Variants in MPRIP observed in about 807,000 individuals in gnomAD.
MPRIP encodes the protein myosin phosphatase Rho-interacting protein.
In MPRIP, 59 loss-of-function variants were observed where a neutral mutation model predicts 234.9. The ratio of observed to expected loss-of-function variants is 0.25; its 90% CI spans 0.20 to 0.31. The LOEUF (loss-of-function observed/expected upper bound fraction) is 0.31, where lower values mean the gene tolerates loss of function less well. Among genes scored for constraint, MPRIP ranks in the 10% least tolerant of loss-of-function variants. MPRIP has a pLI of 1.00. For missense variants in MPRIP, 2,436 were observed against 3,071.0 expected (o/e 0.79, Z 4.89); for synonymous variants, 1,144 against 1,263.9 (o/e 0.91, Z 2.01).
At chr17:17,115,739 A>G (rs2090273006) in intron 3 of MPRIP, among the ~76,000 whole-genome samples, 1 of 152,048 alleles carries the variant, frequency 6.6e-6, no homozygotes, top group Admixed American at 6.5e-5. Context: ...GCTTGATGTA[A>G]ATGGAGTCAT....
At chr17:17,111,080 A>G (rs865843874) in intron 3 of MPRIP, among the ~76,000 whole-genome samples, 2 of 151,752 alleles carry the variant, frequency 1.3e-5, no homozygotes, top group Non-Finnish European at 2.9e-5. Context: ...AACTCTTCAC[A>G]CACTCTTGTC....
At chr17:17,052,359 T>C (rs1486336683) in intron 1 of MPRIP, among the ~76,000 whole-genome samples, 3 of 152,222 alleles carry the variant, frequency 2.0e-5, no homozygotes, top group Admixed American at 1.3e-4. Context: ...CACAGCTGTT[T>C]CCTGGACTTC....
intron 3 of MPRIP, among the ~76,000 whole-genome samples, chr17:17,116,363 A>T (rs1464524817): frequency 6.6e-6 from 1 of 152,226 alleles, no homozygotes; most frequent in African/African-American, 2.4e-5. Flanking sequence ...TGCAGCGGGT[A>T]ACCGTGGGTC....
chr17:17,184,788 T>C, intron 23 of MPRIP, 35 bp from the exon 24 acceptor site: 1 of 1,544,638 alleles, frequency 6.5e-7, no homozygotes, highest in Non-Finnish European at 8.9e-7. Context: ...TCTAACGGTG[T>C]GTTTATTTTC....
At chr17:17,147,228 C>T (rs3744135) in intron 10 of MPRIP, 91 bp from the exon 11 acceptor site, 37,001 of 1,248,150 alleles carry the variant, frequency 0.03, 958 homozygotes, top group East Asian at 0.13. Context: ...CTGGGAGGGC[C>T]CCACAGGCTC....
At chr17:17,104,143 C>G (rs1000362723) in intron 3 of MPRIP, among the ~76,000 whole-genome samples, 3 of 152,254 alleles carry the variant, frequency 2.0e-5, no homozygotes, top group African/African-American at 7.2e-5. Context: ...CTTGTGACAG[C>G]CTTTAGGGAA....
At chr17:17,151,432 G>A (rs1046546585) in intron 12 of MPRIP, among the ~76,000 whole-genome samples, 5 of 152,200 alleles carry the variant, frequency 3.3e-5, no homozygotes, top group East Asian at 1.9e-4. Flanking sequence ...GGGGCAGTGC[G>A]CAGAGCATTG....
At chr17:17,180,778 A>T in intron 23 of MPRIP, 1 of 1,171,066 alleles carries the variant, frequency 8.5e-7, no homozygotes, top group Non-Finnish European at 1.3e-6. Context: ...ACACATACCA[A>T]ATCCAAGTGA....
At chr17:17,153,483 A>C (rs2045653283) in intron 12 of MPRIP, among the ~76,000 whole-genome samples, 1 of 151,878 alleles carries the variant, frequency 6.6e-6, no homozygotes, top group Non-Finnish European at 1.5e-5. Context: ...AGGTCTGCTC[A>C]GGGGCGCAGT....
chr17:17,092,638 A>G (rs2089745962), intron 3 of MPRIP, among the ~76,000 whole-genome samples: 1 of 151,844 alleles, frequency 6.6e-6, no homozygotes, highest in South Asian at 2.1e-4. Flanking sequence ...GAGCTCCTTC[A>G]CTGTGTGTCT....
In MPRIP at chr17:17,087,211, A is replaced by T. The variant is rs1489472129; in HGVS notation, c.267+9135A>T. ...ACCTGATCCAGACCTTCCATTTTGT[A>T]GTGAGGAAGCTTAGCTAGGGGGAGG... On this transcript the variant is annotated intron_variant, in intron 3 of 23. Coordinates refer to ENST00000651222, the MANE Select transcript of MPRIP (RefSeq NM_001364716.4). Among the ~76,000 whole-genome samples, 5 of 151,960 alleles carry T rather than the reference A, an allele frequency of 3.3e-5. No individual in the cohort carries two copies. The East Asian group carries it at 9.7e-4, about 29-fold the overall frequency.
chr17:17,057,847 C>A, intron 1 of MPRIP: 1 of 600,210 alleles, frequency 1.7e-6, no homozygotes. Flanking sequence ...CTAATACTTG[C>A]AGTAATATTT....
intron 9 of MPRIP, among the ~76,000 whole-genome samples, chr17:17,145,285 C>T (rs1217414728): frequency 6.6e-6 from 1 of 152,206 alleles, no homozygotes; most frequent in Non-Finnish European, 1.5e-5. Context: ...TACAAACAGA[C>T]ATCAAAGCTA....
intron 2 of MPRIP, chr17:17,077,771 A>G: frequency 2.5e-6 from 1 of 404,036 alleles, no homozygotes; most frequent in South Asian, 3.7e-5. Context: ...AAAAAAAAAA[A>G]GACTTCTTAT....
rs1427219821 is a variant in MPRIP at position 17,154,327 on chromosome 17, C to T, written c.1741C>T (p.Leu581=). The T allele has an allele frequency of 2.5e-6, 4 of 1,614,044 alleles. No homozygotes were observed. Among genetic ancestry groups the T allele is most frequent in the Admixed American group, 1.7e-5 (1 of 60,008 alleles). The change falls in exon 13 of 24, where the codon CTG becomes TTG. Residue 581 remains leucine, a synonymous_variant. Transcript: ENST00000651222. The part of the protein sequence containing the change: ...QIHTKEGEFT[L]SAMTSGIRRN... ...GTAGACAAAGGAGGGCGAGTTTACC[C>T]TGTCGGCCATGACATCTGGGATTCG...
intron 20 of MPRIP, 74 bp downstream of exon 20, chr17:17,175,486 T>C: frequency 1.4e-6 from 2 of 1,463,918 alleles, no homozygotes; most frequent in East Asian, 2.5e-5. Context: ...GCATGGCCCC[T>C]GTCTTACAGG....
intron 3 of MPRIP, among the ~76,000 whole-genome samples, chr17:17,114,244 T>G (rs1380023819): frequency 6.6e-6 from 1 of 152,206 alleles, no homozygotes; most frequent in Admixed American, 6.5e-5. Context: ...TCTTTGTATA[T>G]TCACATCCTT....
At chr17:17,053,043 C>T (rs1231401453) in intron 1 of MPRIP, among the ~76,000 whole-genome samples, 2 of 152,056 alleles carry the variant, frequency 1.3e-5, no homozygotes, top group African/African-American at 2.4e-5. Context: ...TCTCCTGATG[C>T]CATACCCAGA....
chr17:17,105,446 CG>C (rs1174955240), intron 3 of MPRIP, among the ~76,000 whole-genome samples: 1 of 152,200 alleles, frequency 6.6e-6, no homozygotes, highest in Non-Finnish European at 1.5e-5. Flanking sequence ...TCCATTCCCC[CG>C]TGCTCCTCTT....
Sources: allele counts gnomAD v4.1 joint callset (sites outside exome capture counted in the v4.1 genomes callset), GRCh38; gene constraint gnomAD v4.1.1; transcripts MANE v1.5; gene names NCBI Gene and HGNC (gene_info 2026-07-23, HGNC 2026-07-21).